The following RSPO1 variants were observed in gnomAD, a reference collection of about 807,000 sequenced individuals.
The protein encoded by RSPO1 is R-spondin-1.
In RSPO1, 18 loss-of-function variants were observed where a neutral mutation model predicts 26.0. The ratio of observed to expected loss-of-function variants is 0.69; its 90% CI spans 0.48 to 1.03. The LOEUF is 1.03. Among genes scored for constraint, RSPO1 ranks in the 50% least tolerant of loss-of-function variants. RSPO1 has a pLI of 0.00. For synonymous variants in RSPO1, 133 were observed against 137.4 expected (o/e 0.97, Z 0.22); for missense variants, 309 against 352.3 (o/e 0.88, Z 0.98).
At chr1:37,625,753 A>G (rs1455253968) in intron 3 of RSPO1, among the ~76,000 whole-genome samples, 1 of 150,158 alleles carries the variant, frequency 6.7e-6, no homozygotes, top group African/African-American at 2.5e-5. Flanking sequence ...ATCTCAGTTC[A>G]CTGCAACCTC....
intron 3 of RSPO1, among the ~76,000 whole-genome samples, chr1:37,623,905 A>G (rs1644240037): frequency 6.6e-6 from 1 of 151,346 alleles, no homozygotes; most frequent in Admixed American, 6.6e-5. Context: ...GATTACAGGC[A>G]TGCACCACCA....
chr1:37,613,631 A>G lies in RSPO1; in HGVS notation c.625+73T>C, dbSNP rs1281440020. 4 of 1,329,074 alleles carry G rather than the reference A, an allele frequency of 3.0e-6. No individual in the cohort carries two copies. In the Admixed American group the frequency reaches 5.4e-5, roughly 18 times the overall value. 82.3% of individuals were successfully genotyped at this position (1,329,074 alleles called of 1,614,324 possible). On this transcript the variant is annotated intron_variant, in intron 6 of 6. Transcript: ENST00000356545. The surrounding 1 kb of genome is among the most constrained non-coding windows in gnomAD (Gnocchi z 4.5). Reference sequence around the variant, plus strand: ...AGCTTCTTCCTGAGCCGTGGGCAGGAAGCAGAGGTGGCAGGACCTGTCATG... The same window carrying G: ...AGCTTCTTCCTGAGCCGTGGGCAGGGAGCAGAGGTGGCAGGACCTGTCATG...
In RSPO1 at chr1:37,612,514, G is replaced by T. The variant is rs1200472126; in HGVS notation, c.*241C>A. The T allele has an allele frequency of 1.7e-6, 1 of 589,024 alleles. No homozygotes were observed. The highest frequency in any genetic ancestry group is 3.1e-6 in the Non-Finnish European group (1 of 326,260). The allele number at this position is 589,024 out of a possible 1,614,324, so 36.5% of individuals were successfully genotyped here. ...GGTGGCCTCAGGTGTGTGTGTGTGT[G>T]TGTGTGTATGTGTGTGTGTGGTGTC... On this transcript the variant is annotated 3_prime_UTR_variant, in exon 7 of 7. Coordinates refer to ENST00000356545, the MANE Select transcript of RSPO1 (RefSeq NM_001242908.2).
In RSPO1 at chr1:37,629,699, G is replaced by A; in HGVS notation, c.-38C>T. 1 of 1,612,036 alleles carries A rather than the reference G, an allele frequency of 6.2e-7. No homozygotes were observed. Among genetic ancestry groups the A allele is most frequent in the Non-Finnish European group, 8.5e-7 (1 of 1,179,178 alleles). ...GCTCCAGGCCCCTGGTCGGAGGGGT[G>A]GTCTCGGGGAGGGTGGATAGCACAC... On this transcript the variant is annotated 5_prime_UTR_variant, in exon 3 of 7. Transcript: ENST00000356545.
intron 4 of RSPO1, 83 bp downstream of exon 4, chr1:37,616,401 C>A: frequency 7.3e-7 from 1 of 1,367,350 alleles, no homozygotes; most frequent in Non-Finnish European, 1.0e-6. Flanking sequence ...GCTCCTCTTG[C>A]CAGCCACCAA....
At chr1:37,625,852 T>C (rs1276329115) in intron 3 of RSPO1, among the ~76,000 whole-genome samples, 1 of 152,142 alleles carries the variant, frequency 6.6e-6, no homozygotes, top group East Asian at 1.9e-4. Flanking sequence ...CTAATTTTTG[T>C]ATTTTTAGTG....
chr1:37,633,377 C>T (rs1261688085), intron 1 of RSPO1, among the ~76,000 whole-genome samples: 2 of 151,990 alleles, frequency 1.3e-5, no homozygotes, highest in Admixed American at 1.3e-4. Flanking sequence ...GAGACCAAAG[C>T]GAGAGGCCAC....
At chr1:37,629,547 C>A in intron 3 of RSPO1, 21 bp downstream of exon 3, 2 of 1,610,938 alleles carry the variant, frequency 1.2e-6, no homozygotes, top group Non-Finnish European at 1.7e-6. Flanking sequence ...CAGCTGTGGC[C>A]CACCATGCTC....
In RSPO1 at chr1:37,612,622, G is replaced by A; in HGVS notation, c.*133C>T. 1.1e-6 allele frequency: 1 copy of A among 927,220 alleles called. No homozygotes were observed. Among genetic ancestry groups the A allele is most frequent in the Non-Finnish European group, 1.7e-6 (1 of 577,046 alleles). 57.4% of individuals were successfully genotyped at this position (927,220 alleles called of 1,614,324 possible). A position where few individuals can be genotyped will look rare whatever the true frequency, so the allele number is the denominator to read the frequency against. The stretch of plus-strand genomic sequence containing the variant: ...ACAGGGGTTTGAGCGTGTGTGTCTT[G>A]TGTCTATGTATGCATGGATGGATTG... On this transcript the variant is annotated 3_prime_UTR_variant, in exon 7 of 7. Transcript: ENST00000356545.
intron 3 of RSPO1, among the ~76,000 whole-genome samples, chr1:37,621,706 A>C (rs1644205615): frequency 6.6e-6 from 1 of 152,122 alleles, no homozygotes; most frequent in Non-Finnish European, 1.5e-5. Flanking sequence ...AGGCAATTGA[A>C]CACATGGGTC....
chr1:37,621,678 C>T (rs370260160), intron 3 of RSPO1, among the ~76,000 whole-genome samples: 31 of 152,178 alleles, frequency 2.0e-4, no homozygotes, highest in East Asian at 1.9e-3. Context: ...GTGGAACATC[C>T]AGGGAATGAT....
chr1:37,631,225 C>G (rs1433976655), intron 2 of RSPO1, among the ~76,000 whole-genome samples: 1 of 152,182 alleles, frequency 6.6e-6, no homozygotes, highest in Non-Finnish European at 1.5e-5. Flanking sequence ...TCCTTGGCCT[C>G]TCCCGCTGGC....
rs1311166301 is a variant in RSPO1, at chr1:37,634,437, C to G, written c.-356+129G>C. ...GATCGCCGACCGGAGAGCGATCAGA[C>G]TCCCCTTCCTTTCTGTCTCCCCCCA... On this transcript the variant is annotated intron_variant, in intron 1 of 6. Transcript: ENST00000356545. The surrounding 1 kb of genome is among the most constrained non-coding windows in gnomAD (Gnocchi z 4.7). 1 of 152,286 alleles carries G rather than the reference C, an allele frequency of 6.6e-6. No homozygotes were observed. The highest frequency in any genetic ancestry group is 1.5e-5 in the Non-Finnish European group (1 of 68,134). The allele number at this position is 152,286 out of a possible 1,614,324, so 9.4% of individuals were successfully genotyped here. A position where few individuals can be genotyped will look rare whatever the true frequency, so the allele number is the denominator to read the frequency against.
At chr1:37,614,427 C>T in intron 4 of RSPO1, 94 bp from the exon 5 acceptor site, 5 of 1,418,860 alleles carry the variant, frequency 3.5e-6, no homozygotes, top group African/African-American at 1.4e-5. Flanking sequence ...TGTCCACACC[C>T]ACCTACATGG....
intron 3 of RSPO1, among the ~76,000 whole-genome samples, chr1:37,620,523 C>T (rs572093764): frequency 6.6e-6 from 1 of 152,104 alleles, no homozygotes; most frequent in East Asian, 1.9e-4. Context: ...ACCAGCTCCT[C>T]AGGAGGCTGA....
chr1:37,617,164 G>A lies in RSPO1; in HGVS notation c.95-489C>T, dbSNP rs948424334. Among the ~76,000 whole-genome samples, 3 of 152,158 alleles carry A rather than the reference G, an allele frequency of 2.0e-5. No individual in the cohort carries two copies. The South Asian group carries it at 6.2e-4, about 32-fold the overall frequency. On this transcript the variant is annotated intron_variant, in intron 3 of 6. Transcript: ENST00000356545. ...TGCCTAGAACAGGGGTCTCAACCAGGGATGATTTTGCTCCCCAGGGGACAT... is the reference window on the plus strand; with the variant it reads ...TGCCTAGAACAGGGGTCTCAACCAGAGATGATTTTGCTCCCCAGGGGACAT...
At chr1:37,615,045 C>G (rs1052662611) in intron 4 of RSPO1, among the ~76,000 whole-genome samples, 5 of 152,208 alleles carry the variant, frequency 3.3e-5, no homozygotes, top group Non-Finnish European at 4.4e-5. Flanking sequence ...TTCACAATCT[C>G]TCCTTCCCAG....
intron 3 of RSPO1, among the ~76,000 whole-genome samples, chr1:37,621,028 G>C (rs1644194161): frequency 1.3e-5 from 2 of 152,144 alleles, no homozygotes; most frequent in Admixed American, 1.3e-4. Flanking sequence ...GAACAGGTTT[G>C]CAAAAGGCGC....
intron 4 of RSPO1, among the ~76,000 whole-genome samples, chr1:37,614,696 TCAGCATCTCA>T: frequency 6.6e-6 from 1 of 152,290 alleles, no homozygotes; most frequent in East Asian, 1.9e-4. Flanking sequence ...CAGGAGAGTT[TCAGCATCTCA>T]CAGCATCCAG....
Sources: allele counts gnomAD v4.1 joint callset (sites outside exome capture counted in the v4.1 genomes callset), GRCh38; gene constraint gnomAD v4.1.1; non-coding constraint Gnocchi (gnomAD v3.1); transcripts MANE v1.5; gene names NCBI Gene and HGNC (gene_info 2026-07-23, HGNC 2026-07-21).